The following RBM41 variants were observed in gnomAD, a reference collection of about 807,000 sequenced individuals.
RBM41 encodes the protein RNA binding motif protein 41.
Under a neutral mutation model 30.8 loss-of-function variants are expected in RBM41, and 14 were observed. The ratio of observed to expected loss-of-function variants is 0.45; its 90% confidence interval spans 0.30 to 0.71. The LOEUF (loss-of-function observed/expected upper bound fraction) is 0.71. Among genes scored for constraint, RBM41 ranks in the 30% least tolerant of loss-of-function variants. RBM41 has a pLI of 0.08. For missense variants in RBM41, 276 were observed against 326.3 expected, an observed-to-expected ratio of 0.85 and a Z score of 1.19; for synonymous variants, 120 against 110.1, an observed-to-expected ratio of 1.09 and a Z score of -0.56.
chrX:107,115,315 G>C, intron 4 of RBM41, 37 bp downstream of exon 4: 1 of 1,178,135 alleles, frequency 8.5e-7, no homozygotes, highest in Non-Finnish European at 1.2e-6. Context: ...CTTTCTCTCA[G>C]TGAAAGAATA....
At chrX:107,058,052 G>C (rs1207068435), downstream of RBM41, among the ~76,000 whole-genome samples, 1 of 111,218 alleles carries the variant, frequency 9.0e-6, no homozygotes, top group Non-Finnish European at 1.9e-5. Context: ...CCAGCACTTA[G>C]GGAGGCCGAG....
chrX:107,085,535 T>A (rs1424751987), intron 6 of RBM41, among the ~76,000 whole-genome samples: 1 of 111,641 alleles, frequency 9.0e-6, no homozygotes, highest in African/African-American at 3.3e-5. Flanking sequence ...CCCAAAGTGC[T>A]GAGGTTACAT....
chrX:107,080,486 G>A (rs1232902222), intron 6 of RBM41, among the ~76,000 whole-genome samples: 3 of 111,530 alleles, frequency 2.7e-5, no homozygotes, highest in Non-Finnish European at 5.6e-5. Flanking sequence ...GTTGAAGTAG[G>A]AGAATTGCTT....
chrX:107,106,744 T>C (rs1924031568), intron 5 of RBM41, among the ~76,000 whole-genome samples: 1 of 109,515 alleles, frequency 9.1e-6, no homozygotes, highest in African/African-American at 3.3e-5. Context: ...CTGGAAACCA[T>C]CATTCTCAGC....
intron 3 of RBM41, 26 bp from the exon 4 acceptor site, chrX:107,115,582 T>C (rs1924823641): frequency 1.7e-6 from 2 of 1,161,418 alleles, no homozygotes; most frequent in Non-Finnish European, 2.3e-6. Flanking sequence ...TGAGATGGCA[T>C]GTATCATAGA....
rs1935666581 is a variant in RBM41 at position 107,062,268 on chromosome X, T to C, written c.*5259A>G. 8.9e-6 allele frequency among the ~76,000 whole-genome samples: 1 copy of C among 112,100 alleles called. No individual in the cohort carries two copies. The highest frequency in any genetic ancestry group is 3.2e-5 in the African/African-American group (1 of 30,848). On this transcript the variant is annotated 3_prime_UTR_variant, in exon 8 of 8. Coordinates refer to ENST00000685964, the MANE Select transcript of RBM41 (RefSeq NM_001324242.2). ...AGTTTATTGCTGAGTAGGATTCCAT[T>C]GCATGGATATACTACGGTTTATCTA...
chrX:107,105,037 G>T (rs1923827353), intron 5 of RBM41, among the ~76,000 whole-genome samples: 1 of 110,230 alleles, frequency 9.1e-6, no homozygotes, highest in African/African-American at 3.3e-5. Flanking sequence ...GCAGGAGAAA[G>T]AAATAAAGGG....
At chrX:107,073,194 A>G (rs1936124920) in intron 6 of RBM41, among the ~76,000 whole-genome samples, 1 of 112,023 alleles carries the variant, frequency 8.9e-6, no homozygotes, top group Admixed American at 9.5e-5. Context: ...CAACAGAGTG[A>G]AAAGACGAAC....
chrX:107,088,986 T>C (rs1448669117), intron 5 of RBM41, 147 bp from the exon 6 acceptor site: 3 of 858,180 alleles, frequency 3.5e-6, no homozygotes, highest in Non-Finnish European at 4.7e-6. Flanking sequence ...CAATGGTAAA[T>C]AGTTATCTTA....
intron 5 of RBM41, among the ~76,000 whole-genome samples, chrX:107,097,469 TAGTG>T (rs760108533): frequency 9.0e-6 from 1 of 111,320 alleles, no homozygotes; most frequent in Non-Finnish European, 1.9e-5. Flanking sequence ...GTTCTTGTGA[TAGTG>T]AGTTCATTCT....
In RBM41 at chrX:107,093,038, A is replaced by G. The variant is rs779617920; in HGVS notation, c.596-4199T>C. Among the ~76,000 whole-genome samples the G allele has an allele frequency of 7.1e-5, 8 of 112,180 alleles. No individual in the cohort carries two copies. The South Asian group carries it at 3.0e-3, about 42-fold the overall frequency. On this transcript the variant is annotated intron_variant, in intron 5 of 7. Coordinates refer to ENST00000685964, the MANE Select transcript of RBM41 (RefSeq NM_001324242.2). ...AAATACTATCATCCAAAGAAAGTGAACAAATTTCAGCTACATATGTCCAAG... is the reference window on the plus strand; with the variant it reads ...AAATACTATCATCCAAAGAAAGTGAGCAAATTTCAGCTACATATGTCCAAG...
chrX:107,069,316 A>C lies in RBM41; in HGVS notation c.1086T>G (p.Pro362=). 1 of 1,210,668 alleles carries C rather than the reference A, an allele frequency of 8.3e-7. No homozygotes were observed. The highest frequency in any genetic ancestry group is 1.8e-5 in the South Asian group (1 of 56,854). The change falls in exon 7 of 8, where the codon CCT becomes CCG. Residue 362 remains proline, a synonymous_variant. Transcript: ENST00000685964. Reference sequence around the variant, plus strand: ...CAGTCATCATTCGGAATTGAATTGGAGGTCCTTTTTTCTCCTGGAACCGAG... The same window carrying C: ...CAGTCATCATTCGGAATTGAATTGGCGGTCCTTTTTTCTCCTGGAACCGAG... ...LFARFQEKKG[P]PIQFRMMTGR...
chrX:107,100,064 G>A (rs1270461957), intron 5 of RBM41, among the ~76,000 whole-genome samples: 2 of 112,197 alleles, frequency 1.8e-5, no homozygotes, highest in Non-Finnish European at 3.8e-5. Flanking sequence ...GTTGGTGAAC[G>A]CAGGTGAAGG....
intron 5 of RBM41, among the ~76,000 whole-genome samples, chrX:107,111,396 G>A (rs1409378383): frequency 9.0e-6 from 1 of 110,980 alleles, no homozygotes; most frequent in Admixed American, 9.6e-5. Flanking sequence ...AGTAAGTGTT[G>A]CCAAGGGTAT....
At chrX:107,081,319 A>C (rs1921498720) in intron 6 of RBM41, among the ~76,000 whole-genome samples, 1 of 111,224 alleles carries the variant, frequency 9.0e-6, no homozygotes, top group Admixed American at 9.6e-5. Flanking sequence ...GTCAAGTATC[A>C]ATTTACTGTA....
At position 107,088,483 on chromosome X, in the gene RBM41, G is replaced by A. The variant is rs1922233666; in HGVS notation, c.952C>T (p.Arg318Ter). The A allele has an allele frequency of 8.3e-7, 1 of 1,210,988 alleles. No individual in the cohort carries two copies. Among genetic ancestry groups the A allele is most frequent in the Non-Finnish European group, 1.1e-6 (1 of 895,068 alleles). ...TATGAAGAAAACATAGGAATTTTTCGGATCTCTTCCTCTGACAAACGATTT... is the reference window on the plus strand; with the variant it reads ...TATGAAGAAAACATAGGAATTTTTCAGATCTCTTCCTCTGACAAACGATTT... ...QRNRLSEEEI[R>*]KIPMFSSYNP... Residue 318 changes from arginine to a stop codon, truncating the protein, a stop_gained, in exon 6 of 8, where the codon CGA (arginine) becomes TGA (stop). Transcript: ENST00000685964. LOFTEE classifies it high-confidence loss of function.
rs752900684 is a variant in RBM41 at position 107,092,832 on chromosome X, C to A, written c.596-3993G>T. ...CTACTAATGTTGAAGATATGCTCAA[C>A]ATACAATCCATCAATTCAACTCCCA... is the stretch of plus-strand genomic sequence containing the variant. On this transcript the variant is annotated intron_variant, in intron 5 of 7. Coordinates refer to ENST00000685964, the MANE Select transcript of RBM41 (RefSeq NM_001324242.2). Among the ~76,000 whole-genome samples, 19 of 111,625 alleles carry A rather than the reference C, an allele frequency of 1.7e-4. No homozygotes were observed. In the South Asian group the frequency reaches 7.1e-3, roughly 42 times the overall value.
At chrX:107,099,757 G>A (rs1413816812) in intron 5 of RBM41, among the ~76,000 whole-genome samples, 2 of 109,980 alleles carry the variant, frequency 1.8e-5, no homozygotes, top group African/African-American at 6.6e-5. Context: ...ACTGTTCGGG[G>A]AACTGTTCTA....
At chrX:107,074,480 T>C (rs944598910) in intron 6 of RBM41, among the ~76,000 whole-genome samples, 1 of 111,136 alleles carries the variant, frequency 9.0e-6, no homozygotes, top group Non-Finnish European at 1.9e-5. Flanking sequence ...ATTTTATTAT[T>C]GGCATGAAAT....
Sources: gnomAD v4.1 joint callset for allele counts (sites outside exome capture counted in the v4.1 genomes callset) on GRCh38, gnomAD v4.1.1 for gene constraint, MANE v1.5 for transcripts, NCBI Gene and HGNC (gene_info 2026-07-23, HGNC 2026-07-21) for gene names.